Variants in ACTR3 observed in about 807,000 individuals in gnomAD.
ACTR3 encodes actin related protein 3.
ACTR3 carries 12 observed loss-of-function variants against 56.8 expected under a neutral mutation model. That is an observed-to-expected ratio of 0.21 (90% confidence interval 0.14 to 0.34). The LOEUF (loss-of-function observed/expected upper bound fraction) is 0.34. Among genes scored for constraint, ACTR3 ranks in the 10% least tolerant of loss-of-function variants. The pLI is 1.00. For missense variants in ACTR3, 282 were observed against 512.5 expected (o/e 0.55, Z 4.34); for synonymous variants, 162 against 167.4 (o/e 0.97, Z 0.25).
chr2:113,946,471 A>C (rs1680022523), intron 8 of ACTR3, among the ~76,000 whole-genome samples: 1 of 151,996 alleles, frequency 6.6e-6, no homozygotes, highest in African/African-American at 2.4e-5. Flanking sequence ...AGTGACGTTG[A>C]GCTTTTTTTC....
chr2:113,907,738 T>C (rs1376062346), intron 1 of ACTR3, among the ~76,000 whole-genome samples: 1 of 152,014 alleles, frequency 6.6e-6, no homozygotes, highest in African/African-American at 2.4e-5. Flanking sequence ...TTTGAGAGGC[T>C]GAGGCTGGCT....
rs756117571 is a variant in ACTR3 at position 113,931,303 on chromosome 2, T to A, written c.339T>A (p.Thr113=). Residue 113 remains threonine, a splice_region_variant and synonymous_variant, in exon 5 of 12, where the codon ACT becomes ACA. Coordinates refer to ENST00000263238, the MANE Select transcript of ACTR3 (RefSeq NM_005721.5). ...AEPEDHYFLL[T]EPPLNTPENR... ...TAAAATGTTATTTATTTCAATAGAC[T>A]GAACCTCCATTGAATACTCCAGAAA... 2 of 1,538,194 alleles carry A rather than the reference T, an allele frequency of 1.3e-6. No homozygotes were observed.
chr2:113,940,774 T>A (rs1055439962), intron 7 of ACTR3, among the ~76,000 whole-genome samples: 1 of 151,428 alleles, frequency 6.6e-6, no homozygotes, highest in Non-Finnish European at 1.5e-5. Context: ...TTTTTTTTTT[T>A]AATTACCTGT....
intron 1 of ACTR3, among the ~76,000 whole-genome samples, chr2:113,910,100 G>T (rs1679279233): frequency 6.6e-6 from 1 of 152,112 alleles, no homozygotes; most frequent in African/African-American, 2.4e-5. Flanking sequence ...TTCAAGATGG[G>T]GCTGGTCACT....
In ACTR3 at chr2:113,916,937, A is replaced by T; in HGVS notation, c.154A>T (p.Met52Leu). The change falls in exon 3 of 12, where the codon ATG (methionine) becomes TTG (leucine). Residue 52 changes from methionine (M) to leucine (L), a missense_variant. Coordinates refer to ENST00000263238, the MANE Select transcript of ACTR3 (RefSeq NM_005721.5). Reference sequence around the variant, plus strand: ...GGGTGATCAAGCTCAAAGGAGGGTGATGAAAGGTGTTGATGACCTAGACTT... The same window carrying T: ...GGGTGATCAAGCTCAAAGGAGGGTGTTGAAAGGTGTTGATGACCTAGACTT... ...KVGDQAQRRV[M>L]KGVDDLDFFI... 3 of 1,610,260 alleles carry T rather than the reference A, an allele frequency of 1.9e-6. No homozygotes were observed. The highest frequency in any genetic ancestry group is 2.5e-6 in the Non-Finnish European group (3 of 1,177,534).
chr2:113,944,181 T>C (rs555382706), intron 8 of ACTR3, among the ~76,000 whole-genome samples: 1 of 152,280 alleles, frequency 6.6e-6, no homozygotes, highest in African/African-American at 2.4e-5. Flanking sequence ...AGTGATACGT[T>C]AGAGCAGCTT....
intron 1 of ACTR3, among the ~76,000 whole-genome samples, chr2:113,894,812 G>A (rs1051647551): frequency 6.6e-6 from 1 of 152,062 alleles, no homozygotes; most frequent in Non-Finnish European, 1.5e-5. Flanking sequence ...TTTTGATGCC[G>A]TCTACCTGGC....
chr2:113,900,865 C>T (rs761908487), intron 1 of ACTR3, among the ~76,000 whole-genome samples: 1 of 152,300 alleles, frequency 6.6e-6, no homozygotes. Context: ...AACAGTCCAT[C>T]AGTATTTTTG....
intron 3 of ACTR3, 134 bp downstream of exon 3, chr2:113,917,142 C>A (rs1029604084): frequency 1.4e-6 from 1 of 690,956 alleles, no homozygotes; most frequent in Non-Finnish European, 2.1e-6. Context: ...TTCTTTTTCC[C>A]TATGGCATCC....
Position 113,927,359 on chromosome 2 carries a change from T to C in ACTR3, c.240T>C (p.His80=), listed in dbSNP as rs1679641245. The change falls in exon 4 of 12, where the codon CAT becomes CAC. Residue 80 remains histidine, a synonymous_variant. Transcript: ENST00000263238. ...PTYATKWPIR[H]GIVEDWDLME... ...TGTTTTAATAGTGGCCAATCCGCCA[T>C]GGTATAGTTGAAGATTGGGACTTAA... The C allele has an allele frequency of 6.3e-7, 1 of 1,578,484 alleles. No homozygotes were observed. Among genetic ancestry groups the C allele is most frequent in the Non-Finnish European group, 8.6e-7 (1 of 1,162,180 alleles).
Position 113,895,389 on chromosome 2 carries a change from C to T in ACTR3, c.44+5066C>T, listed in dbSNP as rs982948118. Among the ~76,000 whole-genome samples, 9 of 152,144 alleles carry T rather than the reference C, an allele frequency of 5.9e-5. No individual in the cohort carries two copies. The South Asian group carries it at 6.2e-4, about 11-fold the overall frequency. ...AGATCTTCCTTCCGTAGAAGATGAA[C>T]GTTTGACATGGCTTGGTGCATAGTA... On this transcript the variant is annotated intron_variant, in intron 1 of 11. Transcript: ENST00000263238.
chr2:113,936,871 A>G (rs577970493), intron 6 of ACTR3, among the ~76,000 whole-genome samples: 81 of 152,212 alleles, frequency 5.3e-4, no homozygotes, highest in African/African-American at 1.8e-3. Flanking sequence ...TCTTCTTTAT[A>G]TGTCTTCACA....
At chr2:113,933,913 C>CACG (rs1679772779) in intron 5 of ACTR3, 1 of 177,114 alleles carries the variant, frequency 5.6e-6, no homozygotes, top group Admixed American at 6.5e-5. Context: ...ATCTCCTGAC[C>CACG]TCGTGATCTG....
At chr2:113,913,560 A>T (rs562646872) in intron 2 of ACTR3, among the ~76,000 whole-genome samples, 1 of 152,330 alleles carries the variant, frequency 6.6e-6, no homozygotes, top group South Asian at 2.1e-4. Flanking sequence ...ATTCCCCATC[A>T]TATACCTATG....
chr2:113,946,431 G>T (rs1334929590), intron 8 of ACTR3, among the ~76,000 whole-genome samples: 1 of 151,994 alleles, frequency 6.6e-6, no homozygotes, highest in Non-Finnish European at 1.5e-5. Context: ...GTATCTCATT[G>T]TGGGTTTGAT....
rs1680280798 is a variant in ACTR3, at chr2:113,959,330, A to G, written c.*1875A>G. The G allele has an allele frequency of 6.6e-6, 1 of 152,032 alleles. No individual in the cohort carries two copies. The highest frequency in any genetic ancestry group is 2.4e-5 in the African/African-American group (1 of 41,440). 9.4% of individuals were successfully genotyped at this position (152,032 alleles called of 1,614,324 possible). A position where few individuals can be genotyped will look rare whatever the true frequency, so the allele number is the denominator to read the frequency against. The stretch of plus-strand genomic sequence containing the variant: ...TAAAGATCTTTTGATAAAGAACTAT[A>G]TTGATAAGCAGTAAAGATGTCATGC... On this transcript the variant is annotated 3_prime_UTR_variant, in exon 12 of 12. Coordinates refer to ENST00000263238, the MANE Select transcript of ACTR3 (RefSeq NM_005721.5).
intron 1 of ACTR3, among the ~76,000 whole-genome samples, chr2:113,912,950 TG>T (rs1159040609): frequency 2.0e-5 from 3 of 152,158 alleles, no homozygotes; most frequent in African/African-American, 7.2e-5. Flanking sequence ...CATATATTCC[TG>T]AAGGATCAAT....
At chr2:113,896,442 G>C (rs1679009887) in intron 1 of ACTR3, among the ~76,000 whole-genome samples, 1 of 152,248 alleles carries the variant, frequency 6.6e-6, no homozygotes, top group African/African-American at 2.4e-5. Context: ...GTTGATTCCA[G>C]TGGATTGTAA....
chr2:113,933,773 G>A (rs559736287), intron 5 of ACTR3: 7 of 147,624 alleles, frequency 4.7e-5, no homozygotes, highest in Admixed American at 1.4e-4. Flanking sequence ...TCCGCCTCCC[G>A]GGTTCACGCC....
Sources: gnomAD v4.1 joint callset for allele counts (sites outside exome capture counted in the v4.1 genomes callset) on GRCh38, gnomAD v4.1.1 for gene constraint, MANE v1.5 for transcripts, NCBI Gene and HGNC (gene_info 2026-07-23, HGNC 2026-07-21) for gene names.